RGS22: variants seen among roughly 807,000 people sequenced by gnomAD.
The protein encoded by RGS22 is regulator of G protein signaling 22.
A neutral mutation model predicts 172.9 loss-of-function variants in RGS22; 148 were observed. That is an observed-to-expected ratio of 0.86 (90% CI 0.75 to 0.98). RGS22 has a LOEUF of 0.98. Among genes scored for constraint, RGS22 ranks in the 50% least tolerant of loss-of-function variants. The pLI, the probability that RGS22 is intolerant of heterozygous loss-of-function variation, is 0.00. For missense variants in RGS22, 1,347 were observed against 1,440.8 expected, an observed-to-expected ratio of 0.93 and a Z score of 1.05; for synonymous variants, 458 against 480.2, an observed-to-expected ratio of 0.95 and a Z score of 0.60.
intron 3 of RGS22, among the ~76,000 whole-genome samples, chr8:100,088,569 C>T (rs1563721147): frequency 1.3e-5 from 2 of 152,062 alleles, no homozygotes; most frequent in Non-Finnish European, 2.9e-5. Context: ...GAACTTGGCA[C>T]AAGAACAAAC....
chr8:100,073,769 T>C (rs1480021656), intron 4 of RGS22, among the ~76,000 whole-genome samples: 1 of 152,228 alleles, frequency 6.6e-6, no homozygotes, highest in Non-Finnish European at 1.5e-5. Context: ...CAAAACCAAT[T>C]TGCTGAATAT....
intron 14 of RGS22, among the ~76,000 whole-genome samples, chr8:100,035,862 A>G (rs1413435728): frequency 6.6e-6 from 1 of 152,214 alleles, no homozygotes; most frequent in Non-Finnish European, 1.5e-5. Flanking sequence ...ACAAGGACAG[A>G]AAACCAAACA....
rs112426179 is a variant in RGS22 at position 100,006,580 on chromosome 8, T to A, written c.2362-471A>T. On this transcript the variant is annotated intron_variant, in intron 15 of 27. Coordinates refer to ENST00000360863, the MANE Select transcript of RGS22 (RefSeq NM_015668.5). ...AATAAAACCTCATAGCAGGTCTCTG[T>A]CTTCAGAGTTTGTAATGTACTACTT... 7.2e-5 allele frequency among the ~76,000 whole-genome samples: 11 copies of A among 152,330 alleles called. 1 individual carries two copies. Among genetic ancestry groups the A allele is most frequent in the African/African-American group, 2.6e-4 (11 of 41,598 alleles).
intron 5 of RGS22, 86 bp downstream of exon 5, chr8:100,072,059 A>T (rs1811023498): frequency 1.3e-6 from 1 of 754,520 alleles, no homozygotes; most frequent in East Asian, 2.9e-5. Context: ...TTTGCCACAC[A>T]TGGTGGCATA....
chr8:100,065,334 T>C (rs532753398), intron 7 of RGS22, among the ~76,000 whole-genome samples: 4 of 152,192 alleles, frequency 2.6e-5, no homozygotes, highest in Non-Finnish European at 4.4e-5. Flanking sequence ...TCTTCCTGTA[T>C]ACTATTTTTA....
chr8:100,076,714 C>T lies in RGS22; in HGVS notation c.339+3420G>A, dbSNP rs113022374. The stretch of plus-strand genomic sequence containing the variant: ...TGTGCCTTTTAAGAAATATGTGGGC[C>T]GGGCACGGTGGTTCATCCCTGTAAT... On this transcript the variant is annotated intron_variant, in intron 4 of 27. Coordinates refer to ENST00000360863, the MANE Select transcript of RGS22 (RefSeq NM_015668.5). Among the ~76,000 whole-genome samples the T allele has an allele frequency of 3.8e-3, 574 of 152,186 alleles. 2 individuals carry two copies. The highest frequency in any genetic ancestry group is 0.013 in the African/African-American group (527 of 41,500).
chr8:100,057,589 T>A (rs1271803553), intron 9 of RGS22, among the ~76,000 whole-genome samples: 2 of 152,158 alleles, frequency 1.3e-5, no homozygotes, highest in African/African-American at 2.4e-5. Flanking sequence ...TCATGAGATC[T>A]GATTTTTATA....
intron 9 of RGS22, among the ~76,000 whole-genome samples, chr8:100,054,987 A>G (rs1354467211): frequency 6.6e-6 from 1 of 152,212 alleles, no homozygotes; most frequent in Non-Finnish European, 1.5e-5. Context: ...CAGCCACAGT[A>G]CAATAGAACA....
intron 14 of RGS22, among the ~76,000 whole-genome samples, chr8:100,017,961 C>G (rs1349561660): frequency 6.6e-6 from 1 of 152,138 alleles, no homozygotes; most frequent in Non-Finnish European, 1.5e-5. Flanking sequence ...TCACACACAG[C>G]TGTGGCCAAC....
intron 11 of RGS22, among the ~76,000 whole-genome samples, chr8:100,044,370 C>T (rs190064609): frequency 1.4e-4 from 22 of 152,344 alleles, no homozygotes; most frequent in Middle Eastern, 3.4e-3. Flanking sequence ...CATCAGCCTC[C>T]CGAGTAGCTG....
intron 17 of RGS22, chr8:100,003,061 GA>G (rs1221100011): frequency 1.9e-4 from 31 of 159,856 alleles, no homozygotes; most frequent in South Asian, 1.5e-3. Flanking sequence ...TCTCAAAAAA[GA>G]AAAAAAAAGA....
intron 1 of RGS22, chr8:100,105,616 T>G: frequency 1.7e-6 from 1 of 602,016 alleles, no homozygotes; most frequent in Non-Finnish European, 2.9e-6. Flanking sequence ...GCCTGGTCAC[T>G]AATTCACTGT....
chr8:99,995,417 C>G (rs569499831), intron 20 of RGS22, among the ~76,000 whole-genome samples: 22 of 152,126 alleles, frequency 1.4e-4, no homozygotes, highest in African/African-American at 4.6e-4. Context: ...AACAAATTTA[C>G]AAGAAAAAAA....
At chr8:100,012,783 T>C (rs1816526117) in intron 14 of RGS22, among the ~76,000 whole-genome samples, 1 of 152,136 alleles carries the variant, frequency 6.6e-6, no homozygotes, top group Non-Finnish European at 1.5e-5. Flanking sequence ...TTTAACAGCC[T>C]AAATTACTTA....
intron 20 of RGS22, among the ~76,000 whole-genome samples, chr8:99,992,880 A>G (rs550880543): frequency 1.3e-5 from 2 of 152,340 alleles, no homozygotes; most frequent in East Asian, 3.9e-4. Flanking sequence ...AGCACTCCTC[A>G]GCAAATGTGA....
At chr8:100,039,252 A>C (rs1336086929) in intron 13 of RGS22, among the ~76,000 whole-genome samples, 1 of 152,222 alleles carries the variant, frequency 6.6e-6, no homozygotes, top group Non-Finnish European at 1.5e-5. Flanking sequence ...CCTCTCACAT[A>C]ATTAGTCATT....
chr8:100,066,040 G>A (rs1198764230), intron 7 of RGS22, 127 bp downstream of exon 7: 5 of 720,110 alleles, frequency 6.9e-6, no homozygotes, highest in Non-Finnish European at 1.1e-5. Context: ...ATAGGAAGTC[G>A]AGTGAGGCAA....
intron 4 of RGS22, among the ~76,000 whole-genome samples, chr8:100,075,595 A>G (rs2131869630): frequency 6.6e-6 from 1 of 152,328 alleles, no homozygotes; most frequent in South Asian, 2.1e-4. Flanking sequence ...AGAAGTGCCA[A>G]ACTGTTTTCC....
chr8:100,086,317 G>C (rs911340890), intron 3 of RGS22, among the ~76,000 whole-genome samples: 2 of 152,056 alleles, frequency 1.3e-5, no homozygotes, highest in Non-Finnish European at 2.9e-5. Flanking sequence ...ATTCGTTGAG[G>C]ACCTACTATC....
Sources: allele counts gnomAD v4.1 joint callset (sites outside exome capture counted in the v4.1 genomes callset), GRCh38; gene constraint gnomAD v4.1.1; transcripts MANE v1.5; gene names NCBI Gene and HGNC (gene_info 2026-07-23, HGNC 2026-07-21).